ABLIM2: variants seen among roughly 807,000 people sequenced by gnomAD.
ABLIM2 encodes the protein actin binding LIM protein family member 2.
A neutral mutation model predicts 97.7 loss-of-function variants in ABLIM2; 53 were observed. The ratio of observed to expected loss-of-function variants is 0.54; its 90% CI spans 0.44 to 0.68. ABLIM2 has a LOEUF of 0.68. Ranked by LOEUF, ABLIM2 falls within the 30% of genes least tolerant of loss-of-function variation. ABLIM2 has a pLI of 0.00. For missense variants in ABLIM2, 835 were observed against 867.2 expected, an observed-to-expected ratio of 0.96 and a Z score of 0.47; for synonymous variants, 361 against 345.8, an observed-to-expected ratio of 1.04 and a Z score of -0.49.
chr4:7,982,639 G>C (rs1334639783), intron 20 of ABLIM2, among the ~76,000 whole-genome samples: 1 of 152,136 alleles, frequency 6.6e-6, no homozygotes, highest in Non-Finnish European at 1.5e-5. Flanking sequence ...GTGTGGTCGG[G>C]TGGGAAGCTG....
At position 8,083,631 on chromosome 4, in the gene ABLIM2, C is replaced by T. The variant is rs1256552198; in HGVS notation, c.455-2829G>A. On this transcript the variant is annotated intron_variant, in intron 4 of 20. Coordinates refer to ENST00000447017, the MANE Select transcript of ABLIM2 (RefSeq NM_001130083.2). The surrounding 1 kb of genome is among the most constrained non-coding windows in gnomAD (Gnocchi z 4.6). ...AGGAGCGTTGCCATGGAAACCACAT[C>T]CTCACTTTCTAAACACATCCGGAGC... Among the ~76,000 whole-genome samples the T allele has an allele frequency of 6.6e-6, 1 of 152,238 alleles. No homozygotes were observed. Among genetic ancestry groups the T allele is most frequent in the Non-Finnish European group, 1.5e-5 (1 of 68,038 alleles).
intron 3 of ABLIM2, among the ~76,000 whole-genome samples, chr4:8,096,338 G>A (rs955445759): frequency 9.2e-5 from 14 of 152,186 alleles, no homozygotes; most frequent in Non-Finnish European, 1.5e-4. Context: ...ATTAACCAGA[G>A]GCGATCTTTC....
chr4:8,029,776 C>T lies in ABLIM2; in HGVS notation c.1048G>A (p.Gly350Arg). The T allele has an allele frequency of 6.4e-7, 1 of 1,569,946 alleles. No homozygotes were observed. The highest frequency in any genetic ancestry group is 8.6e-7 in the Non-Finnish European group (1 of 1,157,948). Residue 350 changes from glycine (G) to arginine (R), a missense_variant and splice_region_variant, in exon 11 of 21, where the codon GGG (glycine) becomes AGG (arginine). Physicochemically the swap from Gly to Arg is moderately radical, Grantham distance 125. Coordinates refer to ENST00000447017, the MANE Select transcript of ABLIM2 (RefSeq NM_001130083.2). The stretch of plus-strand genomic sequence containing the variant: ...TTGTAGGACCGGTCATCCTGATCCC[C>T]CTGGGAGGGAAGATGCAGCTTGTGA... ...SAGDRQSYGEGDQDDRSYKQC... is the reference protein window; with the variant it reads ...SAGDRQSYGERDQDDRSYKQC...
In ABLIM2 at chr4:8,152,958, G is replaced by A. The variant is rs138710788; in HGVS notation, c.10+5722C>T. Among the ~76,000 whole-genome samples the A allele has an allele frequency of 8.0e-4, 122 of 152,272 alleles. 1 individual carries two copies. The highest frequency in any genetic ancestry group is 6.6e-3 in the East Asian group (34 of 5,180). On this transcript the variant is annotated intron_variant, in intron 1 of 20. Transcript: ENST00000447017. The stretch of plus-strand genomic sequence containing the variant: ...CCCACTTCAAGGTAGGTTTTACGGA[G>A]CCCTACCCAGGCAGAGGCACAGCCA...
Position 8,125,247 on chromosome 4 carries a change from C to T in ABLIM2, c.11-18610G>A, listed in dbSNP as rs561144058. Among the ~76,000 whole-genome samples the T allele has an allele frequency of 6.6e-6, 1 of 152,192 alleles. No homozygotes were observed. Among genetic ancestry groups the T allele is most frequent in the Admixed American group, 6.5e-5 (1 of 15,278 alleles). On this transcript the variant is annotated intron_variant, in intron 1 of 20. Transcript: ENST00000447017. This position sits in a 1 kb window ranked among gnomAD's most constrained non-coding sequence, Gnocchi z 6.2. ...TCCAGTCGTCTATATCTTGTTATGA[C>T]GGCTTGGGCTTTGGTGTCTTTTCTA...
Position 8,120,702 on chromosome 4 carries a change from A to G in ABLIM2, c.11-14065T>C, listed in dbSNP as rs1193032592. Among the ~76,000 whole-genome samples, 1 of 152,224 alleles carries G rather than the reference A, an allele frequency of 6.6e-6. No homozygotes were observed. The highest frequency in any genetic ancestry group is 2.4e-5 in the African/African-American group (1 of 41,464). ...CCAGCAGGAGCACTTCTCAGCTTAC[A>G]GTGCAGGTCCGTCCTGATGAACCCG... is the stretch of plus-strand genomic sequence containing the variant. On this transcript the variant is annotated intron_variant, in intron 1 of 20. Transcript: ENST00000447017. The surrounding 1 kb of genome is among the most constrained non-coding windows in gnomAD (Gnocchi z 5.6).
intron 16 of ABLIM2, among the ~76,000 whole-genome samples, chr4:7,997,301 A>ATC (rs533956632): frequency 4.7e-4 from 72 of 152,148 alleles, no homozygotes; most frequent in African/African-American, 1.6e-3. Context: ...TGATCTCTTG[A>ATC]TCTCGTGATC....
In ABLIM2 at chr4:8,127,002, G is replaced by C. The variant is rs1848263183; in HGVS notation, c.11-20365C>G. ...GATTACTTGAGCTCAGGAGGTTGAG[G>C]CTGCAGTAAGCCATGTTCATGCCAC... On this transcript the variant is annotated intron_variant, in intron 1 of 20. Transcript: ENST00000447017. The surrounding 1 kb of genome is among the most constrained non-coding windows in gnomAD (Gnocchi z 7.3). Among the ~76,000 whole-genome samples the C allele has an allele frequency of 6.6e-6, 1 of 151,700 alleles. No homozygotes were observed. Among genetic ancestry groups the C allele is most frequent in the African/African-American group, 2.4e-5 (1 of 41,232 alleles).
chr4:7,982,267 G>A (rs1739239717), intron 20 of ABLIM2, among the ~76,000 whole-genome samples: 1 of 152,230 alleles, frequency 6.6e-6, no homozygotes, highest in Admixed American at 6.5e-5. Context: ...AGCTGGCCCT[G>A]TGCACATGGG....
At chr4:8,099,918 T>C (rs767593488) in intron 2 of ABLIM2, among the ~76,000 whole-genome samples, 3 of 152,206 alleles carry the variant, frequency 2.0e-5, no homozygotes, top group Non-Finnish European at 4.4e-5. Context: ...TCAAGTTCCC[T>C]GGTCATTTTA....
In ABLIM2 at chr4:8,130,639, G is replaced by T. The variant is rs1245402681; in HGVS notation, c.11-24002C>A. 6.6e-6 allele frequency among the ~76,000 whole-genome samples: 1 copy of T among 152,146 alleles called. No homozygotes were observed. Among genetic ancestry groups the T allele is most frequent in the African/African-American group, 2.4e-5 (1 of 41,434 alleles). On this transcript the variant is annotated intron_variant, in intron 1 of 20. Transcript: ENST00000447017. This position sits in a 1 kb window ranked among gnomAD's most constrained non-coding sequence, Gnocchi z 4.2. ...GACGGCACCCAGGGGAGCACAGGGTGATCTGACCTGGCCTGGAGGGAGCAG... is the reference window on the plus strand; with the variant it reads ...GACGGCACCCAGGGGAGCACAGGGTTATCTGACCTGGCCTGGAGGGAGCAG...
At position 7,998,756 on chromosome 4, in the gene ABLIM2, T is replaced by C. The variant is rs1755120376; in HGVS notation, c.1619-5829A>G. On this transcript the variant is annotated intron_variant, in intron 16 of 20. Coordinates refer to ENST00000447017, the MANE Select transcript of ABLIM2 (RefSeq NM_001130083.2). The surrounding 1 kb of genome is among the most constrained non-coding windows in gnomAD (Gnocchi z 6.4). ...GAGTCTGCTGGCCTGGGCCACCTCC[T>C]GCTGCTGGGTGGGGGTGGGAGTGGG... 1 of 459,050 alleles carries C rather than the reference T, an allele frequency of 2.2e-6. No individual in the cohort carries two copies. The highest frequency in any genetic ancestry group is 4.4e-6 in the Non-Finnish European group (1 of 227,960). 28.4% of individuals were successfully genotyped at this position (459,050 alleles called of 1,614,324 possible). A position where few individuals can be genotyped will look rare whatever the true frequency, so the allele number is the denominator to read the frequency against.
At chr4:8,014,889 C>A (rs1767711079) in intron 14 of ABLIM2, among the ~76,000 whole-genome samples, 1 of 151,942 alleles carries the variant, frequency 6.6e-6, no homozygotes, top group African/African-American at 2.4e-5. Context: ...TCCGGCCTCC[C>A]TCTCTTCCAC....
chr4:8,006,411 G>C (rs1761345456), intron 16 of ABLIM2, among the ~76,000 whole-genome samples: 1 of 152,236 alleles, frequency 6.6e-6, no homozygotes, highest in East Asian at 1.9e-4. Context: ...CCCCAGCCTT[G>C]CAGAGTTCTG....
chr4:7,987,491 G>A (rs1745225068), intron 17 of ABLIM2, among the ~76,000 whole-genome samples: 1 of 141,188 alleles, frequency 7.1e-6, no homozygotes, highest in African/African-American at 2.9e-5. Context: ...TCTGGTCAGG[G>A]AACCCCCAGT....
At chr4:8,017,476 T>C (rs1770267776) in intron 14 of ABLIM2, among the ~76,000 whole-genome samples, 1 of 151,694 alleles carries the variant, frequency 6.6e-6, no homozygotes, top group Non-Finnish European at 1.5e-5. Context: ...TTAGTAGAGA[T>C]GGGGTTTCAC....
rs978172341 is a variant in ABLIM2 at position 8,023,843 on chromosome 4, A to T, written c.1268-3540T>A. ...ACTCTAGTTTACAATCCAATGACAC[A>T]TCCTTCATCGTGGTGCTCCCAGTGG... is the stretch of plus-strand genomic sequence containing the variant. On this transcript the variant is annotated intron_variant, in intron 12 of 20. Transcript: ENST00000447017. The surrounding 1 kb of genome is among the most constrained non-coding windows in gnomAD (Gnocchi z 5.7). Among the ~76,000 whole-genome samples, 1 of 152,102 alleles carries T rather than the reference A, an allele frequency of 6.6e-6. No homozygotes were observed. Among genetic ancestry groups the T allele is most frequent in the Non-Finnish European group, 1.5e-5 (1 of 68,020 alleles).
chr4:8,017,519 C>T (rs964005332), intron 14 of ABLIM2, among the ~76,000 whole-genome samples: 1 of 152,004 alleles, frequency 6.6e-6, no homozygotes, highest in African/African-American at 2.4e-5. Flanking sequence ...AACTCCTGAG[C>T]TCAGGCAATC....
At chr4:8,143,672 C>T (rs1478443576) in intron 1 of ABLIM2, among the ~76,000 whole-genome samples, 1 of 152,192 alleles carries the variant, frequency 6.6e-6, no homozygotes, top group Non-Finnish European at 1.5e-5. Context: ...GAAGTGCTTT[C>T]TCATGGAGTG....
Sources: gnomAD v4.1 joint callset for allele counts (sites outside exome capture counted in the v4.1 genomes callset) on GRCh38, gnomAD v4.1.1 for gene constraint, Gnocchi (gnomAD v3.1) non-coding constraint, MANE v1.5 for transcripts, NCBI Gene and HGNC (gene_info 2026-07-23, HGNC 2026-07-21) for gene names.